Variants in ZBTB38 observed in about 807,000 individuals in gnomAD.
ZBTB38 encodes zinc finger and BTB domain-containing protein 38.
Under a neutral mutation model 76.8 loss-of-function variants are expected in ZBTB38, and 20 were observed. That is an observed-to-expected ratio of 0.26 (90% CI 0.18 to 0.38). ZBTB38 has a LOEUF of 0.38. ZBTB38 is among the 10% of genes least tolerant of loss of function. ZBTB38 has a pLI of 1.00. For synonymous variants in ZBTB38, 504 were observed against 544.2 expected (o/e 0.93, Z 1.03); for missense variants, 1,082 against 1,482.3 (o/e 0.73, Z 4.43).
rs765714126 is a variant in ZBTB38 at position 141,443,507 on chromosome 3, C to G, written c.1119C>G (p.Cys373Trp). ...AGCCAACCCAGGAGCCTTTAGTGTG[C>G]AAGTATTGCAACAAACAATTCACCA... ...LHKPTQEPLV[C>W]KYCNKQFTTL... is the part of the protein sequence containing the mutation. The change falls in exon 6 of 6, where the codon TGC (cysteine) becomes TGG (tryptophan). Residue 373 changes from cysteine to tryptophan, a missense_variant. Physicochemically the swap from Cys to Trp is radical, Grantham distance 215 (BLOSUM62 -2). This residue lies in a region of ZBTB38 where 324 missense variants were observed against 359.1 expected (regional missense o/e 0.90). Transcript: ENST00000321464. This position sits in a 1 kb window ranked among gnomAD's most constrained non-coding sequence, Gnocchi z 5.6. 1 of 1,614,186 alleles carries G rather than the reference C, an allele frequency of 6.2e-7. No individual in the cohort carries two copies. Among genetic ancestry groups the G allele is most frequent in the Non-Finnish European group, 8.5e-7 (1 of 1,180,038 alleles).
chr3:141,403,468 G>A (rs1953096671), intron 4 of ZBTB38, among the ~76,000 whole-genome samples: 1 of 152,328 alleles, frequency 6.6e-6, no homozygotes, highest in South Asian at 2.1e-4. Flanking sequence ...AGAATATATA[G>A]TACAATACAG....
At chr3:141,361,689 A>G (rs911432660) in intron 1 of ZBTB38, among the ~76,000 whole-genome samples, 3 of 152,228 alleles carry the variant, frequency 2.0e-5, no homozygotes, top group African/African-American at 4.8e-5. Context: ...ATGAGGGAGC[A>G]GGGTAGGTCC....
chr3:141,346,217 A>G (rs566808299), intron 1 of ZBTB38, among the ~76,000 whole-genome samples: 1 of 152,246 alleles, frequency 6.6e-6, no homozygotes, highest in South Asian at 2.1e-4. Context: ...ACTGATACCC[A>G]GGTGTCACCC....
intron 2 of ZBTB38, among the ~76,000 whole-genome samples, chr3:141,371,905 G>A (rs746375665): frequency 3.3e-5 from 5 of 152,124 alleles, no homozygotes; most frequent in Non-Finnish European, 5.9e-5. Flanking sequence ...GCCTTGTGAT[G>A]CCCCAGACTT....
intron 1 of ZBTB38, among the ~76,000 whole-genome samples, chr3:141,362,345 C>A (rs1008165954): frequency 3.0e-4 from 46 of 151,992 alleles, no homozygotes; most frequent in African/African-American, 1.7e-4. Context: ...TGAGGATGGG[C>A]CATTGGGTAG....
chr3:141,432,164 C>T, intron 5 of ZBTB38: 1 of 985,490 alleles, frequency 1.0e-6, no homozygotes, highest in Non-Finnish European at 1.2e-6. Flanking sequence ...AATAACAGAC[C>T]TGCGCAGTAG....
Position 141,412,175 on chromosome 3 carries a change from T to C in ZBTB38, c.-1+8144T>C, listed in dbSNP as rs16851390. ...AAGAAAAGTTCTGGTAATTAGTCAC[T>C]GTGGTATTCTGTAAACAAATACTTT... On this transcript the variant is annotated intron_variant, in intron 5 of 5. Coordinates refer to ENST00000321464, the MANE Select transcript of ZBTB38 (RefSeq NM_001376113.1). 4.3e-3 allele frequency among the ~76,000 whole-genome samples: 653 copies of C among 152,302 alleles called. 3 individuals carry two copies. Among genetic ancestry groups the C allele is most frequent in the Non-Finnish European group, 7.4e-3 (505 of 68,024 alleles).
intron 2 of ZBTB38, among the ~76,000 whole-genome samples, chr3:141,370,986 C>A (rs928121323): frequency 2.0e-5 from 3 of 151,480 alleles, no homozygotes; most frequent in African/African-American, 7.3e-5. Flanking sequence ...TGAAAATTCC[C>A]GAAGGTTAGA....
chr3:141,332,448 C>A (rs1411045134), intron 1 of ZBTB38, among the ~76,000 whole-genome samples: 1 of 152,236 alleles, frequency 6.6e-6, no homozygotes, highest in Non-Finnish European at 1.5e-5. Context: ...TAGCACCTGG[C>A]AACTCCTCTC....
chr3:141,385,071 T>C (rs1456312798), intron 3 of ZBTB38, among the ~76,000 whole-genome samples: 4 of 152,176 alleles, frequency 2.6e-5, no homozygotes. Context: ...TTTTCTCTTT[T>C]AAAAAAATTC....
intron 4 of ZBTB38, among the ~76,000 whole-genome samples, chr3:141,396,995 C>T (rs1950489807): frequency 6.6e-6 from 1 of 152,172 alleles, no homozygotes; most frequent in South Asian, 2.1e-4. Flanking sequence ...AACTTAAAGT[C>T]ACCAGCTTCA....
At chr3:141,421,845 T>C (rs1470570843) in intron 5 of ZBTB38, among the ~76,000 whole-genome samples, 1 of 152,264 alleles carries the variant, frequency 6.6e-6, no homozygotes, top group Non-Finnish European at 1.5e-5. Flanking sequence ...TGATGCTTAC[T>C]CATCTGCCCA....
Position 141,332,722 on chromosome 3 carries a change from C to T in ZBTB38, c.-739+8266C>T, listed in dbSNP as rs190850499. 1.2e-4 allele frequency among the ~76,000 whole-genome samples: 19 copies of T among 152,166 alleles called. 1 individual carries two copies. The highest frequency in any genetic ancestry group is 5.8e-4 in the East Asian group (3 of 5,186). On this transcript the variant is annotated intron_variant, in intron 1 of 7. Coordinates refer to the ZBTB38 transcript ENST00000509842. ...TGCAGATGGAGTGGGGGAGGGATGCCGAAAGAAGAAACCCAGAGGGCAGCT... is the reference window on the plus strand; with the variant it reads ...TGCAGATGGAGTGGGGGAGGGATGCTGAAAGAAGAAACCCAGAGGGCAGCT...
At chr3:141,336,250 T>C (rs2148893796) in intron 1 of ZBTB38, among the ~76,000 whole-genome samples, 1 of 152,256 alleles carries the variant, frequency 6.6e-6, no homozygotes, top group Middle Eastern at 3.4e-3. Flanking sequence ...TGGATGAGCT[T>C]TATTCTCAGA....
At chr3:141,371,718 G>A (rs1025817601) in intron 2 of ZBTB38, among the ~76,000 whole-genome samples, 2 of 152,184 alleles carry the variant, frequency 1.3e-5, no homozygotes, top group Admixed American at 6.5e-5. Context: ...TGATATATAT[G>A]TCTAGCTTTT....
At chr3:141,407,801 C>T (rs1017015190) in intron 5 of ZBTB38, among the ~76,000 whole-genome samples, 1 of 152,218 alleles carries the variant, frequency 6.6e-6, no homozygotes, top group Non-Finnish European at 1.5e-5. Flanking sequence ...GTTTCAACTC[C>T]TGTTTCTACT....
Position 141,443,518 on chromosome 3 carries a change from A to G in ZBTB38, c.1130A>G (p.Asn377Ser), listed in dbSNP as rs747589932. Residue 377 changes from asparagine (N) to serine (S), a missense_variant, in exon 6 of 6, where the codon AAC becomes AGC. By Grantham distance (46) the Asn-to-Ser change is conservative (BLOSUM62 1). Coordinates refer to ENST00000321464, the MANE Select transcript of ZBTB38 (RefSeq NM_001376113.1). The surrounding 1 kb of genome is among the most constrained non-coding windows in gnomAD (Gnocchi z 5.6). ...TQEPLVCKYC[N>S]KQFTTLNRLD... The stretch of plus-strand genomic sequence containing the variant: ...GAGCCTTTAGTGTGCAAGTATTGCA[A>G]CAAACAATTCACCACCCTGAACAGG... 3.7e-6 allele frequency: 6 copies of G among 1,614,212 alleles called. No individual in the cohort carries two copies. In the East Asian group the frequency reaches 6.7e-5, roughly 18 times the overall value.
intron 5 of ZBTB38, among the ~76,000 whole-genome samples, chr3:141,440,842 T>C (rs1219201095): frequency 6.6e-6 from 1 of 151,790 alleles, no homozygotes; most frequent in Non-Finnish European, 1.5e-5. Flanking sequence ...GAGACCATCC[T>C]GGCCAACATG....
Position 141,329,291 on chromosome 3 carries a change from G to T in ZBTB38, c.-739+4835G>T, listed in dbSNP as rs140417162. On this transcript the variant is annotated intron_variant, in intron 1 of 7. Coordinates refer to the ZBTB38 transcript ENST00000509842. ...TGACTGTGTTCCTCCCATCCTTCATGCCATTCAACGAAAGGAATTAGAGAA... is the reference window on the plus strand; with the variant it reads ...TGACTGTGTTCCTCCCATCCTTCATTCCATTCAACGAAAGGAATTAGAGAA... Among the ~76,000 whole-genome samples the T allele has an allele frequency of 1.7e-4, 26 of 152,288 alleles. No homozygotes were observed. The East Asian group carries it at 4.8e-3, about 28-fold the overall frequency.
Sources: gnomAD v4.1 joint callset for allele counts (sites outside exome capture counted in the v4.1 genomes callset) on GRCh38, gnomAD v4.1.1 for gene constraint, gnomAD v4.1.1 regional missense constraint, Gnocchi (gnomAD v3.1) non-coding constraint, MANE v1.5 for transcripts, NCBI Gene and HGNC (gene_info 2026-07-23, HGNC 2026-07-21) for gene names.